Variants in ZCCHC24 observed in about 807,000 individuals in gnomAD.
ZCCHC24 encodes the protein zinc finger CCHC-type containing 24, also known as zinc finger CCHC domain-containing protein 24.
A neutral mutation model predicts 26.2 loss-of-function variants in ZCCHC24; 10 were observed. The ratio of observed to expected loss-of-function variants is 0.38; its 90% confidence interval spans 0.24 to 0.65. The LOEUF (loss-of-function observed/expected upper bound fraction) is 0.65, where lower values mean the gene tolerates loss of function less well. ZCCHC24 is among the 30% of genes least tolerant of loss of function. The probability of loss-of-function intolerance (pLI) is 0.54; values close to 1 mark genes in which losing one functional copy is unlikely to be tolerated. For missense variants in ZCCHC24, 243 were observed against 329.1 expected, an observed-to-expected ratio of 0.74 and a Z score of 2.03; for synonymous variants, 144 against 147.1, an observed-to-expected ratio of 0.98 and a Z score of 0.15.
intron 3 of ZCCHC24, among the ~76,000 whole-genome samples, chr10:79,393,768 C>T (rs1287951147): frequency 1.3e-5 from 2 of 152,044 alleles, no homozygotes; most frequent in East Asian, 3.9e-4. Flanking sequence ...ACCTGCTGTG[C>T]CCCCTTCCTA....
At chr10:79,435,692 C>T (rs1857206829) in intron 1 of ZCCHC24, among the ~76,000 whole-genome samples, 1 of 152,242 alleles carries the variant, frequency 6.6e-6, no homozygotes, top group African/African-American at 2.4e-5. Context: ...GATGGGGAAA[C>T]TGAGGCCCAC....
chr10:79,402,527 G>A (rs755311807), intron 2 of ZCCHC24, among the ~76,000 whole-genome samples: 11 of 152,172 alleles, frequency 7.2e-5, no homozygotes, highest in South Asian at 2.1e-4. Context: ...CGCCCGCCTC[G>A]GCCTCCCAAA....
At chr10:79,402,433 G>A (rs11002960) in intron 2 of ZCCHC24, among the ~76,000 whole-genome samples, 76,144 of 151,950 alleles carry the variant, frequency 0.5, 21,098 homozygotes, top group East Asian at 0.84. Flanking sequence ...CCGCCACCAC[G>A]CCCGGCTAAT....
intron 2 of ZCCHC24, among the ~76,000 whole-genome samples, chr10:79,431,587 G>T (rs996221981): frequency 6.6e-6 from 1 of 152,200 alleles, no homozygotes; most frequent in Admixed American, 6.5e-5. Context: ...TGGTGTGGCC[G>T]TTTCTGAGCA....
At chr10:79,392,785 T>C (rs1172140792) in intron 3 of ZCCHC24, among the ~76,000 whole-genome samples, 1 of 152,190 alleles carries the variant, frequency 6.6e-6, no homozygotes, top group Middle Eastern at 3.2e-3. Context: ...GCACCTCCAC[T>C]CTCACCCTCA....
intron 1 of ZCCHC24, among the ~76,000 whole-genome samples, chr10:79,440,956 G>C (rs916158194): frequency 6.6e-6 from 1 of 152,040 alleles, no homozygotes; most frequent in Non-Finnish European, 1.5e-5. Context: ...CTCAAATGAC[G>C]GTCCTCCTTG....
intron 2 of ZCCHC24, among the ~76,000 whole-genome samples, chr10:79,424,179 G>T (rs1474096210): frequency 2.0e-5 from 3 of 152,194 alleles, no homozygotes; most frequent in Admixed American, 1.3e-4. Context: ...TGATCTGATA[G>T]TTCCCTAGTT....
chr10:79,385,968 TCA>T lies in ZCCHC24; in HGVS notation c.*375_*376del. 2 of 424,934 alleles carry T rather than the reference TCA, an allele frequency of 4.7e-6. No individual in the cohort carries two copies. Among genetic ancestry groups the T allele is most frequent in the Non-Finnish European group, 8.3e-6 (2 of 239,682 alleles). 26.3% of individuals were successfully genotyped at this position (424,934 alleles called of 1,614,324 possible). ...TGGCTGGTCTGGGGAGGTTTGGGAT[TCA>T]CAGTCAATTTAGTGCACCTGTGGCC... On this transcript the variant is annotated 3_prime_UTR_variant, in exon 4 of 4. Transcript: ENST00000372336. This position sits in a 1 kb window ranked among gnomAD's most constrained non-coding sequence, Gnocchi z 4.3.
intron 1 of ZCCHC24, among the ~76,000 whole-genome samples, chr10:79,436,588 G>A (rs1248077298): frequency 1.3e-5 from 2 of 152,192 alleles, no homozygotes; most frequent in African/African-American, 4.8e-5. Context: ...CGTGTGTGAG[G>A]CCTCCTCACC....
chr10:79,418,179 G>A (rs866573425), intron 2 of ZCCHC24, among the ~76,000 whole-genome samples: 9 of 152,306 alleles, frequency 5.9e-5, no homozygotes, highest in South Asian at 4.1e-4. Flanking sequence ...GTGGCTGCTC[G>A]CTGGGCAGTG....
intron 2 of ZCCHC24, among the ~76,000 whole-genome samples, chr10:79,407,019 C>T (rs1430789672): frequency 6.6e-6 from 1 of 152,284 alleles, no homozygotes; most frequent in African/African-American, 2.4e-5. Context: ...CGGGAAGCCT[C>T]CTTGACCCTT....
At chr10:79,413,961 G>T (rs1053480806) in intron 2 of ZCCHC24, among the ~76,000 whole-genome samples, 1 of 152,220 alleles carries the variant, frequency 6.6e-6, no homozygotes, top group Non-Finnish European at 1.5e-5. Context: ...GGCCACATGT[G>T]CCCCTCACAC....
chr10:79,384,788 A>C lies in ZCCHC24; in HGVS notation c.*1557T>G, dbSNP rs377166084. 6.6e-6 allele frequency: 1 copy of C among 151,366 alleles called. No individual in the cohort carries two copies. Among genetic ancestry groups the C allele is most frequent in the African/African-American group, 2.4e-5 (1 of 41,032 alleles). 9.4% of individuals were successfully genotyped at this position (151,366 alleles called of 1,614,324 possible). ...TGGGCATCCTTGAGCCATGGTAAAC[A>C]CTGAATTTCAGGCTCATTTCTTGGT... On this transcript the variant is annotated 3_prime_UTR_variant, in exon 4 of 4. Transcript: ENST00000372336.
rs954189145 is a variant in ZCCHC24 at position 79,382,851 on chromosome 10, G to A, written c.*3494C>T. ...TCAGATGGCAAAGCTCCCGAGCGGC[G>A]AGGCCAGGCTTTGCCCCACTTCTTC... is the stretch of plus-strand genomic sequence containing the variant. On this transcript the variant is annotated 3_prime_UTR_variant, in exon 4 of 4. Transcript: ENST00000372336. 1.3e-5 allele frequency: 2 copies of A among 152,780 alleles called. No homozygotes were observed. Among genetic ancestry groups the A allele is most frequent in the African/African-American group, 4.8e-5 (2 of 41,462 alleles). The allele number at this position is 152,780 out of a possible 1,614,324, so 9.5% of individuals were successfully genotyped here.
chr10:79,432,575 T>G lies in ZCCHC24; in HGVS notation c.430A>C (p.Ile144Leu), dbSNP rs1454637246. 6.2e-7 allele frequency: 1 copy of G among 1,600,190 alleles called. No homozygotes were observed. The highest frequency in any genetic ancestry group is 8.5e-7 in the Non-Finnish European group (1 of 1,173,920). Residue 144 changes from isoleucine to leucine, a missense_variant, in exon 2 of 4, where the codon ATC becomes CTC. Around this residue, in one of 2 missense-constraint regions of ZCCHC24, gnomAD observed 96 missense variants for 178.3 expected, o/e 0.54. Coordinates refer to ENST00000372336, the MANE Select transcript of ZCCHC24 (RefSeq NM_153367.4). ...CHLCFNKGHYIKDCPQARPKG... is the reference protein window; with the variant it reads ...CHLCFNKGHYLKDCPQARPKG... ...TGCCTTACCTGGGGGCAGTCCTTGA[T>G]GTAGTGTCCTTTGTTGAAGCACAGG...
At chr10:79,407,168 AG>A (rs1856728255) in intron 2 of ZCCHC24, among the ~76,000 whole-genome samples, 1 of 152,198 alleles carries the variant, frequency 6.6e-6, no homozygotes, top group African/African-American at 2.4e-5. Flanking sequence ...CCTCTTTGCT[AG>A]GGTCTGAGAC....
At chr10:79,396,687 A>G (rs1564632610) in intron 2 of ZCCHC24, among the ~76,000 whole-genome samples, 1 of 152,248 alleles carries the variant, frequency 6.6e-6, no homozygotes, top group Admixed American at 6.5e-5. Flanking sequence ...CATTTTAACA[A>G]GAGCCCCAGA....
chr10:79,427,027 GA>G (rs1192505487), intron 2 of ZCCHC24, among the ~76,000 whole-genome samples: 19 of 151,574 alleles, frequency 1.3e-4, no homozygotes, highest in Admixed American at 1.2e-3. Context: ...GCAACTATTA[GA>G]AAGCTAGGTA....
chr10:79,444,255 G>A lies in ZCCHC24; in HGVS notation c.246+940C>T, dbSNP rs1857329327. 4.8e-6 allele frequency: 7 copies of A among 1,451,252 alleles called. No homozygotes were observed. In the South Asian group the frequency reaches 5.9e-5, roughly 12 times the overall value. The allele number at this position is 1,451,252 out of a possible 1,614,324, so 89.9% of individuals were successfully genotyped here. A position where few individuals can be genotyped will look rare whatever the true frequency, so the allele number is the denominator to read the frequency against. On this transcript the variant is annotated intron_variant, in intron 1 of 3. Coordinates refer to ENST00000372336, the MANE Select transcript of ZCCHC24 (RefSeq NM_153367.4). The stretch of plus-strand genomic sequence containing the variant: ...CCCAAATGAGGCAGGAGTAAATGGA[G>A]GGAGGGGAGGAGTCCAGCCCACGGA...
Sources: gnomAD v4.1 joint callset for allele counts (sites outside exome capture counted in the v4.1 genomes callset) on GRCh38, gnomAD v4.1.1 for gene constraint, gnomAD v4.1.1 regional missense constraint, Gnocchi (gnomAD v3.1) non-coding constraint, MANE v1.5 for transcripts, NCBI Gene and HGNC (gene_info 2026-07-23, HGNC 2026-07-21) for gene names.